Variants in RLF observed in about 807,000 individuals in gnomAD.
RLF encodes the protein RLF zinc finger.
Under a neutral mutation model 162.9 loss-of-function variants are expected in RLF, and 7 were observed. The observed-to-expected ratio is 0.04, with a 90% confidence interval of 0.02 to 0.08. The LOEUF is 0.08. RLF is among the 10% of genes least tolerant of loss of function. The pLI is 1.00. For synonymous variants in RLF, 782 were observed against 791.5 expected, an observed-to-expected ratio of 0.99 and a Z score of 0.20; for missense variants, 1,664 against 2,244.7, an observed-to-expected ratio of 0.74 and a Z score of 5.23.
chr1:40,221,917 A>AAAAAG (rs1486982312), intron 5 of RLF, among the ~76,000 whole-genome samples: 1 of 150,284 alleles, frequency 6.7e-6, no homozygotes, highest in African/African-American at 2.5e-5. Flanking sequence ...AAAAAAAAAA[A>AAAAAG]AGAGAAAGGA....
intron 6 of RLF, among the ~76,000 whole-genome samples, chr1:40,227,599 A>C (rs1231602628): frequency 6.6e-6 from 1 of 152,218 alleles, no homozygotes; most frequent in Non-Finnish European, 1.5e-5. Flanking sequence ...TACAAAATAC[A>C]CCATAAAATG....
intron 6 of RLF, among the ~76,000 whole-genome samples, chr1:40,229,356 A>G (rs573703578): frequency 6.8e-4 from 103 of 152,158 alleles, no homozygotes; most frequent in African/African-American, 2.4e-3. Context: ...AAGTAGCACT[A>G]GCCAAATAAA....
chr1:40,183,507 A>G, intron 1 of RLF, among the ~76,000 whole-genome samples: 1 of 152,226 alleles, frequency 6.6e-6, no homozygotes, highest in Non-Finnish European at 1.5e-5. Context: ...AAACTCGGGA[A>G]GAAGGCCAAA....
At position 40,202,550 on chromosome 1, in the gene RLF, C is replaced by A; in HGVS notation, c.746C>A (p.Ser249Tyr). The A allele has an allele frequency of 6.4e-7, 1 of 1,569,398 alleles. No individual in the cohort carries two copies. The highest frequency in any genetic ancestry group is 8.6e-7 in the Non-Finnish European group (1 of 1,167,268). ...AESKEISNVS[S>Y]FQQAYITCLC... ...TCTAAAGAAATTTCAAATGTGTCAT[C>A]TTTTCAGCAAGCCTATATCACATGT... Residue 249 changes from serine (S) to tyrosine (Y), a missense_variant, in exon 5 of 8, where the codon TCT (serine) becomes TAT (tyrosine). By Grantham distance (144) the Ser-to-Tyr change is moderately radical. This residue lies in a region of RLF where 287 missense variants were observed against 404.9 expected (regional missense o/e 0.71). Coordinates refer to ENST00000372771, the MANE Select transcript of RLF (RefSeq NM_012421.4).
chr1:40,187,670 A>G (rs1055449649), intron 1 of RLF, among the ~76,000 whole-genome samples: 2 of 152,190 alleles, frequency 1.3e-5, no homozygotes, highest in Non-Finnish European at 2.9e-5. Flanking sequence ...TGTATATGGT[A>G]TAATGGTCTA....
intron 6 of RLF, 44 bp downstream of exon 6, chr1:40,222,754 T>C (rs1243435815): frequency 6.5e-7 from 1 of 1,536,314 alleles, no homozygotes; most frequent in Non-Finnish European, 9.0e-7. Flanking sequence ...TAGTACATAG[T>C]ATAGCATTTA....
intron 1 of RLF, among the ~76,000 whole-genome samples, chr1:40,169,338 C>T (rs112749880): frequency 1.3e-4 from 20 of 152,004 alleles, no homozygotes; most frequent in East Asian, 3.9e-4. Flanking sequence ...GCTTCTCGGC[C>T]GGGCGCGGTG....
intron 6 of RLF, among the ~76,000 whole-genome samples, chr1:40,227,704 T>G (rs1444305672): frequency 1.3e-5 from 2 of 152,160 alleles, no homozygotes; most frequent in Non-Finnish European, 2.9e-5. Context: ...TGACTTACTG[T>G]TTTAAAAATT....
At chr1:40,221,714 C>T (rs1642998260) in intron 5 of RLF, among the ~76,000 whole-genome samples, 1 of 151,396 alleles carries the variant, frequency 6.6e-6, no homozygotes, top group South Asian at 2.1e-4. Flanking sequence ...TCCTGGCTAA[C>T]ACAGTGAAAC....
At chr1:40,231,819 C>T (rs1300941232) in intron 7 of RLF, among the ~76,000 whole-genome samples, 161 bp downstream of exon 7, 2 of 152,140 alleles carry the variant, frequency 1.3e-5, no homozygotes. Context: ...GATTGACTTC[C>T]TATAATTAAT....
rs1402711809 is a variant in RLF, at chr1:40,237,474, T to C, written c.2772T>C (p.Asp924=). 4 of 1,614,074 alleles carry C rather than the reference T, an allele frequency of 2.5e-6. No individual in the cohort carries two copies. The highest frequency in any genetic ancestry group is 1.3e-5 in the African/African-American group (1 of 75,020). ...TAGATCACTCTGAAACTATGCAGGA[T>C]GTATTGTTATCTAATGAGAAAGTCT... ...DTLDHSETMQ[D]VLLSNEKVFG... Residue 924 remains aspartate, a synonymous_variant, in exon 8 of 8, where the codon GAT becomes GAC. Coordinates refer to ENST00000372771, the MANE Select transcript of RLF (RefSeq NM_012421.4). This position sits in a 1 kb window ranked among gnomAD's most constrained non-coding sequence, Gnocchi z 4.4.
chr1:40,220,343 A>G (rs1445635709), intron 5 of RLF, among the ~76,000 whole-genome samples: 1 of 152,226 alleles, frequency 6.6e-6, no homozygotes, highest in Non-Finnish European at 1.5e-5. Flanking sequence ...TTCTATTTCT[A>G]TGCCATGCTC....
intron 1 of RLF, among the ~76,000 whole-genome samples, chr1:40,168,055 T>C (rs1431383154): frequency 4.0e-5 from 6 of 150,294 alleles, no homozygotes; most frequent in Non-Finnish European, 8.9e-5. Context: ...AAAAAAAAAA[T>C]TAAAAATTAG....
At position 40,236,635 on chromosome 1, in the gene RLF, G is replaced by A; in HGVS notation, c.1933G>A (p.Asp645Asn). The change falls in exon 8 of 8, where the codon GAC becomes AAC. Residue 645 changes from aspartate (D) to asparagine (N), a missense_variant. Physicochemically the swap from Asp to Asn is conservative, Grantham distance 23. Around this residue, in one of 15 missense-constraint regions of RLF, gnomAD observed 50 missense variants for 46.7 expected, o/e 1.07. Coordinates refer to ENST00000372771, the MANE Select transcript of RLF (RefSeq NM_012421.4). The surrounding 1 kb of genome is among the most constrained non-coding windows in gnomAD (Gnocchi z 7.7). ...CCCAGAGCAAAACCATTCATTGAAT[G>A]ACCAAGCCAAAGGAGAGTCTCATGA... ...AIPEQNHSLN[D>N]QAKGESHEYV... is the part of the protein sequence containing the mutation. 1 of 1,614,080 alleles carries A rather than the reference G, an allele frequency of 6.2e-7. No homozygotes were observed. Among genetic ancestry groups the A allele is most frequent in the Non-Finnish European group, 8.5e-7 (1 of 1,180,024 alleles).
At chr1:40,191,249 T>G (rs558423249) in intron 3 of RLF, among the ~76,000 whole-genome samples, 1 of 152,306 alleles carries the variant, frequency 6.6e-6, no homozygotes, top group African/African-American at 2.4e-5. Flanking sequence ...CTTTAAGAAT[T>G]GTACCTGGCT....
At chr1:40,215,700 G>C (rs1350863426) in intron 5 of RLF, among the ~76,000 whole-genome samples, 1 of 152,002 alleles carries the variant, frequency 6.6e-6, no homozygotes, top group East Asian at 1.9e-4. Context: ...TCCCACTTCA[G>C]CCTCCCAAAG....
Position 40,190,808 on chromosome 1 carries a change from T to G in RLF, c.429T>G (p.Ser143Arg). 1 of 1,613,164 alleles carries G rather than the reference T, an allele frequency of 6.2e-7. No homozygotes were observed. Among genetic ancestry groups the G allele is most frequent in the Non-Finnish European group, 8.5e-7 (1 of 1,179,446 alleles). The part of the protein sequence containing the change: ...CFELLLSVSE[S>R]ELPCEVWLPF... The stretch of plus-strand genomic sequence containing the variant: ...AATTACTGCTTTCAGTGTCTGAAAG[T>G]GAACTGCCATGTGAAGTCTGGCTAC... The change falls in exon 3 of 8, where the codon AGT (serine) becomes AGG (arginine). Residue 143 changes from serine (S) to arginine (R), a missense_variant. By Grantham distance (110) the Ser-to-Arg change is moderately radical. Coordinates refer to ENST00000372771, the MANE Select transcript of RLF (RefSeq NM_012421.4).
At chr1:40,203,914 A>G (rs566450095) in intron 5 of RLF, among the ~76,000 whole-genome samples, 1 of 152,214 alleles carries the variant, frequency 6.6e-6, no homozygotes, top group African/African-American at 2.4e-5. Flanking sequence ...ATCAAGATCT[A>G]TTGATCTTGT....
In RLF at chr1:40,239,203, G is replaced by A. The variant is rs775640431; in HGVS notation, c.4501G>A (p.Gly1501Arg). The A allele has an allele frequency of 1.9e-6, 3 of 1,613,942 alleles. No homozygotes were observed. Among genetic ancestry groups the A allele is most frequent in the African/African-American group, 1.3e-5 (1 of 74,878 alleles). Residue 1501 changes from glycine (G) to arginine (R), a missense_variant, in exon 8 of 8, where the codon GGG (glycine) becomes AGG (arginine). By Grantham distance (125) the Gly-to-Arg change is moderately radical. Coordinates refer to ENST00000372771, the MANE Select transcript of RLF (RefSeq NM_012421.4). ...GGTATGTCAAACAGCTGATACTCAGGGGCATGAACATCAGACCACCAGGAG... is the reference window on the plus strand; with the variant it reads ...GGTATGTCAAACAGCTGATACTCAGAGGCATGAACATCAGACCACCAGGAG... ...EKVCQTADTQGHEHQTTRRSF... is the reference protein window; with the variant it reads ...EKVCQTADTQRHEHQTTRRSF...
Sources: gnomAD v4.1 joint callset for allele counts (sites outside exome capture counted in the v4.1 genomes callset) on GRCh38, gnomAD v4.1.1 for gene constraint, gnomAD v4.1.1 regional missense constraint, Gnocchi (gnomAD v3.1) non-coding constraint, MANE v1.5 for transcripts, NCBI Gene and HGNC (gene_info 2026-07-23, HGNC 2026-07-21) for gene names.